KCTD16: variants seen among roughly 807,000 people sequenced by gnomAD.
KCTD16 encodes the protein BTB/POZ domain-containing protein KCTD16.
A neutral mutation model predicts 33.2 loss-of-function variants in KCTD16; 13 were observed. That is an observed-to-expected ratio of 0.39 (90% CI 0.25 to 0.62). The LOEUF (loss-of-function observed/expected upper bound fraction) is 0.62. Ranked by LOEUF, KCTD16 falls within the 20% of genes least tolerant of loss-of-function variation. The pLI is 0.50. For missense variants in KCTD16, 441 were observed against 525.1 expected, an observed-to-expected ratio of 0.84 and a Z score of 1.57; for synonymous variants, 197 against 195.3, an observed-to-expected ratio of 1.01 and a Z score of -0.07.
intron 3 of KCTD16, among the ~76,000 whole-genome samples, chr5:144,208,021 A>G (rs1189686864): frequency 1.3e-5 from 2 of 152,326 alleles, no homozygotes; most frequent in East Asian, 1.9e-4. Context: ...GGATGTTGCA[A>G]TGAATAATGT....
chr5:144,288,882 G>C (rs1386348319), intron 3 of KCTD16, among the ~76,000 whole-genome samples: 1 of 152,130 alleles, frequency 6.6e-6, no homozygotes, highest in African/African-American at 2.4e-5. Context: ...ATCCCATCAT[G>C]GCACATGCCT....
At chr5:144,343,844 A>T (rs1475967929) in intron 3 of KCTD16, among the ~76,000 whole-genome samples, 1 of 152,186 alleles carries the variant, frequency 6.6e-6, no homozygotes, top group Non-Finnish European at 1.5e-5. Flanking sequence ...TGTACCCAGT[A>T]GTCATTCAGG....
rs1034537281 is a variant in KCTD16 at position 144,476,785 on chromosome 5, A to G, written c.*2671A>G. The G allele has an allele frequency of 6.6e-6, 1 of 152,184 alleles. No homozygotes were observed. Among genetic ancestry groups the G allele is most frequent in the Non-Finnish European group, 1.5e-5 (1 of 68,034 alleles). The allele number at this position is 152,184 out of a possible 1,614,324, so 9.4% of individuals were successfully genotyped here. On this transcript the variant is annotated 3_prime_UTR_variant, in exon 4 of 4. Coordinates refer to ENST00000512467, the MANE Select transcript of KCTD16 (RefSeq NM_020768.4). ...GAAATGAGTTCTGGGTAAGTGAGTT[A>G]TAAGAGTACATGCTCTAGTAACTCT...
chr5:144,358,602 A>G (rs548523874), intron 3 of KCTD16, among the ~76,000 whole-genome samples: 98 of 152,292 alleles, frequency 6.4e-4, no homozygotes, highest in African/African-American at 2.3e-3. Context: ...TAAATTCCAC[A>G]AAAGTACTGT....
At chr5:144,183,000 A>G (rs1345163591) in intron 2 of KCTD16, among the ~76,000 whole-genome samples, 2 of 152,120 alleles carry the variant, frequency 1.3e-5, no homozygotes, top group African/African-American at 4.8e-5. Flanking sequence ...ATGTACATGT[A>G]TATAAAAAGT....
Position 144,475,649 on chromosome 5 carries a change from C to A in KCTD16, c.*1535C>A, listed in dbSNP as rs982956923. 6.6e-6 allele frequency: 1 copy of A among 152,526 alleles called. No individual in the cohort carries two copies. The highest frequency in any genetic ancestry group is 1.5e-5 in the Non-Finnish European group (1 of 68,010). 9.4% of individuals were successfully genotyped at this position (152,526 alleles called of 1,614,324 possible). On this transcript the variant is annotated 3_prime_UTR_variant, in exon 4 of 4. Transcript: ENST00000512467. Reference sequence around the variant, plus strand: ...AATTAATAGTTGTGTGCCAAGCACTCCTAATTTGTTTTATTGCGTGTGTGT... The same window carrying A: ...AATTAATAGTTGTGTGCCAAGCACTACTAATTTGTTTTATTGCGTGTGTGT...
rs1329545779 is a variant in KCTD16 at position 144,364,952 on chromosome 5, G to A, written c.833-108708G>A. On this transcript the variant is annotated intron_variant, in intron 3 of 3. Transcript: ENST00000512467. ...ACCTAAATGAATCCTACTTATGGCT[G>A]TTTTAGTAATTATCATTAGAGATTG... Among the ~76,000 whole-genome samples the A allele has an allele frequency of 2.6e-5, 4 of 151,726 alleles. No individual in the cohort carries two copies. In the East Asian group the frequency reaches 7.7e-4, roughly 29 times the overall value.
At chr5:144,179,716 GATAA>G (rs1192481921) in intron 2 of KCTD16, among the ~76,000 whole-genome samples, 1 of 152,272 alleles carries the variant, frequency 6.6e-6, no homozygotes, top group South Asian at 2.1e-4. Flanking sequence ...AAGATTAGGT[GATAA>G]ATAAGTGATT....
chr5:144,368,287 G>T (rs1751884610), intron 3 of KCTD16, among the ~76,000 whole-genome samples: 1 of 152,066 alleles, frequency 6.6e-6, no homozygotes, highest in Admixed American at 6.6e-5. Context: ...AGATAATTCT[G>T]GATTATCTAG....
At chr5:144,258,892 A>T (rs1413043818) in intron 3 of KCTD16, among the ~76,000 whole-genome samples, 1 of 152,086 alleles carries the variant, frequency 6.6e-6, no homozygotes, top group South Asian at 2.1e-4. Flanking sequence ...AAGTGGACTC[A>T]TGTGTGTCTG....
intron 3 of KCTD16, among the ~76,000 whole-genome samples, chr5:144,446,550 A>G (rs1753821215): frequency 6.6e-6 from 1 of 152,196 alleles, no homozygotes; most frequent in African/African-American, 2.4e-5. Flanking sequence ...GCCAAAATTG[A>G]CAAATGAGAT....
intron 3 of KCTD16, among the ~76,000 whole-genome samples, chr5:144,252,023 A>G (rs1406288824): frequency 2.6e-5 from 4 of 152,148 alleles, no homozygotes; most frequent in Admixed American, 2.6e-4. Context: ...TGATGTTTTG[A>G]TATGTTTATT....
intron 3 of KCTD16, among the ~76,000 whole-genome samples, chr5:144,266,305 G>T (rs1156976237): frequency 2.6e-5 from 4 of 152,092 alleles, no homozygotes; most frequent in African/African-American, 7.2e-5. Flanking sequence ...ACCTTGACTG[G>T]ATAGCTCCTT....
chr5:144,262,699 G>A (rs1283597810), intron 3 of KCTD16, among the ~76,000 whole-genome samples: 1 of 152,140 alleles, frequency 6.6e-6, no homozygotes, highest in African/African-American at 2.4e-5. Context: ...GAGCTGATTT[G>A]TTAGTTTTTA....
At chr5:144,182,619 A>G (rs1210884830) in intron 2 of KCTD16, among the ~76,000 whole-genome samples, 1 of 152,098 alleles carries the variant, frequency 6.6e-6, no homozygotes, top group Non-Finnish European at 1.5e-5. Flanking sequence ...ATTTTCAAAG[A>G]GTAGATTTTA....
chr5:144,239,881 A>G (rs1754353724), intron 3 of KCTD16, among the ~76,000 whole-genome samples: 1 of 152,138 alleles, frequency 6.6e-6, no homozygotes, highest in South Asian at 2.1e-4. Flanking sequence ...AAAATTATTA[A>G]TCTCTACAAG....
chr5:144,181,766 G>A (rs13357041), intron 2 of KCTD16, among the ~76,000 whole-genome samples: 45,406 of 151,960 alleles, frequency 0.3, 7,963 homozygotes, highest in African/African-American at 0.48. Context: ...AAACTGAATG[G>A]TCATTGTAAC....
At chr5:144,454,878 T>G (rs1754026175) in intron 3 of KCTD16, among the ~76,000 whole-genome samples, 2 of 152,176 alleles carry the variant, frequency 1.3e-5, no homozygotes, top group Admixed American at 1.3e-4. Context: ...CCAAATCCAG[T>G]GCAATACATT....
At chr5:144,345,022 G>A (rs1235920975) in intron 3 of KCTD16, among the ~76,000 whole-genome samples, 4 of 151,882 alleles carry the variant, frequency 2.6e-5, no homozygotes, top group African/African-American at 7.3e-5. Context: ...ATACTATGCA[G>A]CCATGAAAAA....
Sources: gnomAD v4.1 joint callset for allele counts (sites outside exome capture counted in the v4.1 genomes callset) on GRCh38, gnomAD v4.1.1 for gene constraint, MANE v1.5 for transcripts, NCBI Gene and HGNC (gene_info 2026-07-23, HGNC 2026-07-21) for gene names.